Variants in RALGPS1 observed in about 807,000 individuals in gnomAD.
RALGPS1 encodes ras-specific guanine nucleotide-releasing factor RalGPS1.
In RALGPS1, 19 loss-of-function variants were observed where a neutral mutation model predicts 78.8. The observed-to-expected ratio is 0.24, with a 90% confidence interval of 0.17 to 0.35. The LOEUF (loss-of-function observed/expected upper bound fraction) is 0.35. Among genes scored for constraint, RALGPS1 ranks in the 10% least tolerant of loss-of-function variants. The probability of loss-of-function intolerance (pLI) is 1.00; values close to 1 mark genes in which losing one functional copy is unlikely to be tolerated. For missense variants in RALGPS1, 454 were observed against 688.3 expected (o/e 0.66, Z 3.81); for synonymous variants, 228 against 256.3 (o/e 0.89, Z 1.06).
At chr9:126,960,391 G>T (rs1006878114) in intron 1 of RALGPS1, among the ~76,000 whole-genome samples, 6 of 151,292 alleles carry the variant, frequency 4.0e-5, no homozygotes, top group Admixed American at 3.3e-4. Flanking sequence ...CTGCCACCAC[G>T]CCCGGCTAAT....
intron 4 of RALGPS1, among the ~76,000 whole-genome samples, chr9:127,017,832 G>A (rs891827356): frequency 5.3e-5 from 8 of 152,174 alleles, no homozygotes; most frequent in South Asian, 2.1e-4. Context: ...GGTCAGCATC[G>A]TAAATATCAC....
intron 8 of RALGPS1, among the ~76,000 whole-genome samples, chr9:127,141,059 T>G (rs975211070): frequency 1.3e-5 from 2 of 152,018 alleles, no homozygotes; most frequent in Non-Finnish European, 2.9e-5. Flanking sequence ...GTGGGTGACG[T>G]GGAGAGGGCT....
At position 126,955,645 on chromosome 9, in the gene RALGPS1, T is replaced by A. The variant is rs183145740; in HGVS notation, c.-65-6580T>A. On this transcript the variant is annotated intron_variant, in intron 1 of 18. Coordinates refer to ENST00000259351, the MANE Select transcript of RALGPS1 (RefSeq NM_014636.3). The stretch of plus-strand genomic sequence containing the variant: ...ACAATTTAATATATTTTAATATAAT[T>A]TTTTGGTATAATTTTATGCATTTAA... Among the ~76,000 whole-genome samples the A allele has an allele frequency of 4.2e-3, 646 of 152,228 alleles. 3 individuals are homozygous for A. The highest frequency in any genetic ancestry group is 7.5e-3 in the Non-Finnish European group (513 of 68,006).
At chr9:127,166,506 T>C (rs1363224536) in intron 9 of RALGPS1, among the ~76,000 whole-genome samples, 1 of 152,162 alleles carries the variant, frequency 6.6e-6, no homozygotes, top group African/African-American at 2.4e-5. Context: ...CCCTGGGTCA[T>C]TCATTCATGA....
chr9:126,987,066 A>G (rs1170885457), intron 4 of RALGPS1, among the ~76,000 whole-genome samples: 1 of 152,152 alleles, frequency 6.6e-6, no homozygotes, highest in Non-Finnish European at 1.5e-5. Flanking sequence ...GTTGCTCAGA[A>G]TATTCAGATG....
intron 5 of RALGPS1, among the ~76,000 whole-genome samples, chr9:127,035,242 T>C (rs1413648565): frequency 1.3e-5 from 2 of 152,134 alleles, no homozygotes; most frequent in African/African-American, 4.8e-5. Flanking sequence ...GGAAGTACCT[T>C]TTAAATTGAA....
chr9:126,962,320 G>A lies in RALGPS1; in HGVS notation c.31G>A (p.Val11Met), dbSNP rs747576179. The A allele has an allele frequency of 3.7e-6, 6 of 1,614,172 alleles. No homozygotes were observed. Among genetic ancestry groups the A allele is most frequent in the East Asian group, 4.5e-5 (2 of 44,866 alleles). ...CAAGAGGAATGGTCTGATGGCTAGC[G>A]TGTTGGTCACCTCTGCCACTCCACA... is the stretch of plus-strand genomic sequence containing the variant. MYKRNGLMAS[V>M]LVTSATPQGS... is the part of the protein sequence containing the mutation. Residue 11 changes from valine (V) to methionine (M), a missense_variant, in exon 2 of 19, where the codon GTG (valine) becomes ATG (methionine). Val to Met is a conservative substitution (Grantham distance 21). Transcript: ENST00000259351.
intron 4 of RALGPS1, among the ~76,000 whole-genome samples, chr9:127,022,607 T>C (rs1230784639): frequency 1.3e-5 from 2 of 151,848 alleles, no homozygotes; most frequent in East Asian, 1.9e-4. Flanking sequence ...CTTCTCCCAC[T>C]CCTCCCCAGG....
At chr9:127,214,937 G>T (rs999530100) in intron 18 of RALGPS1, 95 bp downstream of exon 18, 8 of 1,571,278 alleles carry the variant, frequency 5.1e-6, no homozygotes, top group Non-Finnish European at 6.0e-6. Context: ...TCTTCTTTCA[G>T]AGCCCATTAG....
At chr9:127,217,402 C>A (rs1316430470) in intron 18 of RALGPS1, 9 of 989,964 alleles carry the variant, frequency 9.1e-6, no homozygotes, top group Non-Finnish European at 9.6e-6. Context: ...GATGGAATGC[C>A]AGGAGGGTGT....
rs1030205948 is a variant in RALGPS1 at position 127,205,482 on chromosome 9, TA to T, written c.1247+6417del. ...GAGTGCACAAAGAACCCCTGGCCTC[TA>T]GGTGCCAGGGCTTTTTGCTTGACTC... is the stretch of plus-strand genomic sequence containing the variant. On this transcript the variant is annotated intron_variant, in intron 14 of 18. Transcript: ENST00000259351. The surrounding 1 kb of genome is among the most constrained non-coding windows in gnomAD (Gnocchi z 4.0). Among the ~76,000 whole-genome samples, 56 of 152,356 alleles carry T rather than the reference TA, an allele frequency of 3.7e-4. No homozygotes were observed. Among genetic ancestry groups the T allele is most frequent in the African/African-American group, 1.3e-3 (54 of 41,586 alleles).
intron 14 of RALGPS1, among the ~76,000 whole-genome samples, chr9:127,209,640 G>A (rs571465693): frequency 5.9e-5 from 9 of 152,168 alleles, no homozygotes; most frequent in South Asian, 2.1e-4. Context: ...TGGAGCAGCC[G>A]TCCCAGCTAA....
chr9:127,190,748 T>C (rs1468721154), intron 11 of RALGPS1, among the ~76,000 whole-genome samples: 1 of 152,188 alleles, frequency 6.6e-6, no homozygotes, highest in Non-Finnish European at 1.5e-5. Context: ...CAGGAGTTTC[T>C]CTAGAGTAAA....
chr9:127,113,868 C>T (rs1470329400), intron 8 of RALGPS1, among the ~76,000 whole-genome samples: 1 of 152,208 alleles, frequency 6.6e-6, no homozygotes, highest in Non-Finnish European at 1.5e-5. Flanking sequence ...CATGTGTCCG[C>T]ATCCCTCTCA....
At chr9:126,982,205 G>A (rs368434581) in intron 4 of RALGPS1, among the ~76,000 whole-genome samples, 4 of 152,282 alleles carry the variant, frequency 2.6e-5, no homozygotes, top group South Asian at 2.1e-4. Flanking sequence ...ACCAAGGGGG[G>A]CACTATACAA....
chr9:127,089,254 T>C (rs955576054), intron 8 of RALGPS1: 25 of 1,099,716 alleles, frequency 2.3e-5, no homozygotes, highest in Admixed American at 1.8e-4. Context: ...CAAGAACGCT[T>C]GAAAGGTGGA....
chr9:126,973,709 G>C lies in RALGPS1; in HGVS notation c.166-3986G>C, dbSNP rs977358871. 1.8e-4 allele frequency among the ~76,000 whole-genome samples: 27 copies of C among 152,058 alleles called. 1 individual carries two copies. Among genetic ancestry groups the C allele is most frequent in the African/African-American group, 6.0e-4 (25 of 41,390 alleles). On this transcript the variant is annotated intron_variant, in intron 3 of 18. Coordinates refer to ENST00000259351, the MANE Select transcript of RALGPS1 (RefSeq NM_014636.3). ...GTAACCAATCTCCAGAACTGCTTTC[G>C]TCTTGCAAAATGGAAACTCTGTATC...
intron 8 of RALGPS1, chr9:127,108,057 G>A (rs769409604): frequency 1.2e-6 from 2 of 1,605,632 alleles, no homozygotes; most frequent in Non-Finnish European, 1.7e-6. Flanking sequence ...TGGGTGGTTG[G>A]TAGACCCGGG....
rs116323512 is a variant in RALGPS1 at position 126,987,648 on chromosome 9, G to T, written c.216+9903G>T. Among the ~76,000 whole-genome samples the T allele has an allele frequency of 2.4e-3, 369 of 152,252 alleles. 3 individuals carry two copies. Among genetic ancestry groups the T allele is most frequent in the African/African-American group, 8.4e-3 (348 of 41,526 alleles). ...TGCAGTGGGTACCAATTTCAGTGAG[G>T]TGGAAAGCTTTCCTAAGTGCTCGTG... On this transcript the variant is annotated intron_variant, in intron 4 of 18. Transcript: ENST00000259351.
Sources: gnomAD v4.1 joint callset for allele counts (sites outside exome capture counted in the v4.1 genomes callset) on GRCh38, gnomAD v4.1.1 for gene constraint, Gnocchi (gnomAD v3.1) non-coding constraint, MANE v1.5 for transcripts, NCBI Gene and HGNC (gene_info 2026-07-23, HGNC 2026-07-21) for gene names.